NRXN3: variants seen among roughly 807,000 people sequenced by gnomAD.
NRXN3 encodes neurexin 3.
NRXN3 carries 32 observed loss-of-function variants against 137.6 expected under a neutral mutation model. The observed-to-expected ratio is 0.23, with a 90% confidence interval of 0.18 to 0.31. The LOEUF (loss-of-function observed/expected upper bound fraction) is 0.31. NRXN3 is among the 10% of genes least tolerant of loss of function. The pLI, the probability that NRXN3 is intolerant of heterozygous loss-of-function variation, is 1.00. For synonymous variants in NRXN3, 798 were observed against 784.5 expected (o/e 1.02, Z -0.29); for missense variants, 1,574 against 2,062.5 (o/e 0.76, Z 4.59).
chr14:78,710,381 T>C (rs566298707), intron 7 of NRXN3, among the ~76,000 whole-genome samples: 1 of 20,604 alleles, frequency 4.9e-5, no homozygotes, highest in Non-Finnish European at 1.0e-4. Context: ...GGGGTGGGGG[T>C]GGGGCAAAAT....
intron 1 of NRXN3, among the ~76,000 whole-genome samples, chr14:78,214,053 T>A (rs2153415774): frequency 6.6e-6 from 1 of 152,344 alleles, no homozygotes; most frequent in South Asian, 2.1e-4. Flanking sequence ...TCCAGCTTCC[T>A]AAACCCTTCC....
intron 14 of NRXN3, among the ~76,000 whole-genome samples, chr14:78,969,435 C>CT (rs1317502722): frequency 6.6e-6 from 1 of 152,148 alleles, no homozygotes; most frequent in Non-Finnish European, 1.5e-5. Flanking sequence ...TAATTATTTC[C>CT]TTTTTTTCTT....
intron 15 of NRXN3, among the ~76,000 whole-genome samples, chr14:79,027,258 A>G (rs2099600227): frequency 6.6e-6 from 1 of 151,906 alleles, no homozygotes; most frequent in Admixed American, 6.6e-5. Context: ...AAGTGATTCA[A>G]TCAGATTTCT....
chr14:79,191,219 C>T (rs1480330947), intron 15 of NRXN3, among the ~76,000 whole-genome samples: 1 of 152,144 alleles, frequency 6.6e-6, no homozygotes, highest in Non-Finnish European at 1.5e-5. Context: ...GAAAGTGAAA[C>T]TGATATAAGA....
chr14:79,839,005 A>ATG (rs2099350081), intron 20 of NRXN3, among the ~76,000 whole-genome samples: 1 of 152,218 alleles, frequency 6.6e-6, no homozygotes, highest in Non-Finnish European at 1.5e-5. Flanking sequence ...ATAAAATAGT[A>ATG]TGTTCTGATG....
At chr14:78,347,870 G>T (rs1427635914) in intron 4 of NRXN3, among the ~76,000 whole-genome samples, 1 of 152,060 alleles carries the variant, frequency 6.6e-6, no homozygotes, top group African/African-American at 2.4e-5. Flanking sequence ...TCAAAAGGTT[G>T]GATAATAAGA....
At position 79,726,970 on chromosome 14, in the gene NRXN3, A is replaced by G. The variant is rs80262160; in HGVS notation, c.4014+29033A>G. Among the ~76,000 whole-genome samples the G allele has an allele frequency of 2.1e-3, 325 of 152,258 alleles. 8 individuals are homozygous for G. The East Asian group carries it at 0.04, about 19-fold the overall frequency. On this transcript the variant is annotated intron_variant, in intron 19 of 20. Transcript: ENST00000335750. ...GTGCTTTGGCAAAGTTTGTGTATTT[A>G]CACTGTTGGGAAAACTAAAAGTAAT...
intron 1 of NRXN3, among the ~76,000 whole-genome samples, chr14:78,224,853 G>A (rs1255207773): frequency 1.6e-5 from 2 of 126,946 alleles, no homozygotes; most frequent in African/African-American, 2.9e-5. Flanking sequence ...TGCAAGCTCC[G>A]CTTCCCAGGT....
chr14:78,319,988 C>A (rs979422221), intron 4 of NRXN3, among the ~76,000 whole-genome samples: 1 of 152,204 alleles, frequency 6.6e-6, no homozygotes, highest in African/African-American at 2.4e-5. Context: ...GCTGGAGGAA[C>A]AGAAGTGCAT....
intron 6 of NRXN3, among the ~76,000 whole-genome samples, chr14:78,693,371 T>C (rs997340728): frequency 7.2e-5 from 11 of 151,934 alleles, no homozygotes; most frequent in Non-Finnish European, 1.5e-4. Flanking sequence ...GTAATACTTA[T>C]ACACGGTTGC....
intron 4 of NRXN3, among the ~76,000 whole-genome samples, chr14:78,527,492 C>G (rs575116241): frequency 7.9e-5 from 12 of 152,310 alleles, no homozygotes; most frequent in African/African-American, 2.9e-4. Context: ...CACCTCCCAC[C>G]AGGACCCACC....
At chr14:78,679,815 TA>T (rs1393684078) in intron 6 of NRXN3, among the ~76,000 whole-genome samples, 1 of 152,172 alleles carries the variant, frequency 6.6e-6, no homozygotes, top group Non-Finnish European at 1.5e-5. Flanking sequence ...GGCACTGTGC[TA>T]AGTGTTGGAG....
intron 10 of NRXN3, among the ~76,000 whole-genome samples, chr14:78,905,481 CTGTT>C (rs2307505): frequency 0.054 from 8,200 of 152,078 alleles, 274 homozygotes; most frequent in Middle Eastern, 0.088. Context: ...AAAAGTCTAA[CTGTT>C]TGATCTTGGT....
chr14:78,845,011 T>C (rs1033506532), intron 10 of NRXN3, among the ~76,000 whole-genome samples: 3 of 152,034 alleles, frequency 2.0e-5, no homozygotes, highest in Non-Finnish European at 2.9e-5. Flanking sequence ...TAAATAATAA[T>C]GAGTTTTAGT....
intron 4 of NRXN3, among the ~76,000 whole-genome samples, chr14:78,388,316 C>G (rs2090273483): frequency 6.6e-6 from 1 of 152,098 alleles, no homozygotes; most frequent in Non-Finnish European, 1.5e-5. Flanking sequence ...GAAAATGGAG[C>G]CTACAGCACT....
chr14:79,318,257 C>G (rs974441301), intron 15 of NRXN3, among the ~76,000 whole-genome samples: 1 of 152,168 alleles, frequency 6.6e-6, no homozygotes, highest in Non-Finnish European at 1.5e-5. Context: ...AGGAAAGTAT[C>G]TTCTTTCATG....
chr14:79,489,304 T>C (rs933217822), intron 16 of NRXN3, among the ~76,000 whole-genome samples: 1 of 152,146 alleles, frequency 6.6e-6, no homozygotes, highest in African/African-American at 2.4e-5. Flanking sequence ...CATGCTTTCC[T>C]ACCTGCTCAT....
At chr14:79,435,036 A>G (rs927322495) in intron 15 of NRXN3, among the ~76,000 whole-genome samples, 1 of 152,186 alleles carries the variant, frequency 6.6e-6, no homozygotes, top group African/African-American at 2.4e-5. Flanking sequence ...GGCTGAATTC[A>G]GTAGCACATC....
At chr14:79,629,503 G>C (rs2153930532) in intron 16 of NRXN3, among the ~76,000 whole-genome samples, 1 of 152,178 alleles carries the variant, frequency 6.6e-6, no homozygotes, top group Admixed American at 6.5e-5. Flanking sequence ...GCGTAGCCCT[G>C]GTTAATTAAT....
Sources: allele counts gnomAD v4.1 joint callset (sites outside exome capture counted in the v4.1 genomes callset), GRCh38; gene constraint gnomAD v4.1.1; transcripts MANE v1.5; gene names NCBI Gene and HGNC (gene_info 2026-07-23, HGNC 2026-07-21).